Variants in OR5AN1 observed in about 807,000 individuals in gnomAD.
OR5AN1 encodes olfactory receptor 5AN1.
For missense variants in OR5AN1, 476 were observed against 368.9 expected (o/e 1.29, Z -2.38); for synonymous variants, 167 against 131.8 (o/e 1.27, Z -1.83).
intron 1 of OR5AN1, among the ~76,000 whole-genome samples, chr11:59,361,654 G>C (rs1227985329): frequency 1.3e-5 from 2 of 152,098 alleles, no homozygotes; most frequent in African/African-American, 4.8e-5. Context: ...ATGATTATCA[G>C]CTTCACATAT....
chr11:59,369,372 C>A lies in OR5AN1; in HGVS notation c.*3978C>A, dbSNP rs1373639949. 3 of 151,896 alleles carry A rather than the reference C, an allele frequency of 2.0e-5. No individual in the cohort carries two copies. The highest frequency in any genetic ancestry group is 7.3e-5 in the African/African-American group (3 of 41,370). 9.4% of individuals were successfully genotyped at this position (151,896 alleles called of 1,614,324 possible). A position where few individuals can be genotyped will look rare whatever the true frequency, so the allele number is the denominator to read the frequency against. On this transcript the variant is annotated 3_prime_UTR_variant, in exon 2 of 2. Transcript: ENST00000641998. ...AATCCAATCCAAGAAAAATAAGAAT[C>A]ACAATAAAGTGACACAGAAGCTGAA...
At position 59,364,539 on chromosome 11, in the gene OR5AN1, G is replaced by A; in HGVS notation, c.81G>A (p.Val27=). Residue 27 remains valine, a synonymous_variant, in exon 2 of 2, where the codon GTG becomes GTA. Coordinates refer to ENST00000641998, the MANE Select transcript of OR5AN1 (RefSeq NM_001004729.2). The part of the protein sequence containing the change: ...GFSDFPRIIK[V]LFTIFLVIYI... ...CAGATTTTCCCAGGATCATAAAAGT[G>A]CTCTTCACTATATTCCTGGTGATCT... The A allele has an allele frequency of 2.5e-6, 4 of 1,613,794 alleles. No individual in the cohort carries two copies. The highest frequency in any genetic ancestry group is 1.7e-4 in the Middle Eastern group (1 of 6,060).
rs1416309425 is a variant in OR5AN1 at position 59,368,683 on chromosome 11, G to A, written c.*3289G>A. The A allele has an allele frequency of 6.6e-6, 1 of 152,256 alleles. No individual in the cohort carries two copies. The highest frequency in any genetic ancestry group is 1.5e-5 in the Non-Finnish European group (1 of 68,108). 9.4% of individuals were successfully genotyped at this position (152,256 alleles called of 1,614,324 possible). On this transcript the variant is annotated 3_prime_UTR_variant, in exon 2 of 2. Transcript: ENST00000641998. Reference sequence around the variant, plus strand: ...TGCTGACCTGCATCTCTCTGGGGTGGAGCCCCCAGGAGTCAAACAAATGAC... The same window carrying A: ...TGCTGACCTGCATCTCTCTGGGGTGAAGCCCCCAGGAGTCAAACAAATGAC...
In OR5AN1 at chr11:59,369,660, G is replaced by T. The variant is rs1027756144; in HGVS notation, c.*4266G>T. 1 of 152,174 alleles carries T rather than the reference G, an allele frequency of 6.6e-6. No individual in the cohort carries two copies. Among genetic ancestry groups the T allele is most frequent in the Non-Finnish European group, 1.5e-5 (1 of 68,040 alleles). 9.4% of individuals were successfully genotyped at this position (152,174 alleles called of 1,614,324 possible). On this transcript the variant is annotated 3_prime_UTR_variant, in exon 2 of 2. Transcript: ENST00000641998. The stretch of plus-strand genomic sequence containing the variant: ...AGTAATTGACATCACTGAAAGGGAG[G>T]GGAAGGAAGAAAACAACTTGGAAAA...
At chr11:59,364,262 C>A in intron 1 of OR5AN1, 184 bp from the exon 2 acceptor site, 2 of 479,332 alleles carry the variant, frequency 4.2e-6, no homozygotes, top group African/African-American at 2.0e-5. Flanking sequence ...TAATCAAGAA[C>A]CTGAAGCATT....
intron 1 of OR5AN1, among the ~76,000 whole-genome samples, chr11:59,363,571 A>G: frequency 6.6e-6 from 1 of 152,196 alleles, no homozygotes; most frequent in East Asian, 1.9e-4. Flanking sequence ...TTATGATATT[A>G]TTGTTAAGGC....
rs1346568719 is a variant in OR5AN1 at position 59,369,723 on chromosome 11, C to T, written c.*4329C>T. ...TATTGTCCATGAAAATATCCCCAAC[C>T]TTGCTAGAGAGGACAACAGTCAAAT... On this transcript the variant is annotated 3_prime_UTR_variant, in exon 2 of 2. Coordinates refer to ENST00000641998, the MANE Select transcript of OR5AN1 (RefSeq NM_001004729.2). 6.6e-6 allele frequency: 1 copy of T among 152,164 alleles called. No individual in the cohort carries two copies. Among genetic ancestry groups the T allele is most frequent in the Non-Finnish European group, 1.5e-5 (1 of 68,036 alleles). The allele number at this position is 152,164 out of a possible 1,614,324, so 9.4% of individuals were successfully genotyped here. A position where few individuals can be genotyped will look rare whatever the true frequency, so the allele number is the denominator to read the frequency against.
Position 59,368,848 on chromosome 11 carries a change from G to A in OR5AN1, c.*3454G>A, listed in dbSNP as rs1045321453. 6.6e-6 allele frequency: 1 copy of A among 152,258 alleles called. No homozygotes were observed. Among genetic ancestry groups the A allele is most frequent in the Non-Finnish European group, 1.5e-5 (1 of 68,108 alleles). The allele number at this position is 152,258 out of a possible 1,614,324, so 9.4% of individuals were successfully genotyped here. On this transcript the variant is annotated 3_prime_UTR_variant, in exon 2 of 2. Transcript: ENST00000641998. The stretch of plus-strand genomic sequence containing the variant: ...AGGAACTACAGGCAGCACTCAGGGG[G>A]AGAGGAAACCACACGTTCTGAGCAC...
At chr11:59,359,464 A>T (rs1857440796) in intron 1 of OR5AN1, 192 bp downstream of exon 1, 1 of 152,326 alleles carries the variant, frequency 6.6e-6, no homozygotes, top group African/African-American at 2.4e-5. Context: ...TCCTCAGATC[A>T]AAACCTGCTT....
In OR5AN1 at chr11:59,366,978, C is replaced by T. The variant is rs185476184; in HGVS notation, c.*1584C>T. On this transcript the variant is annotated 3_prime_UTR_variant, in exon 2 of 2. Coordinates refer to ENST00000641998, the MANE Select transcript of OR5AN1 (RefSeq NM_001004729.2). ...TCAATACCCCTTAATGTATAAGGTGCCAAATTGCTTATTAATATACAAGGT... is the reference window on the plus strand; with the variant it reads ...TCAATACCCCTTAATGTATAAGGTGTCAAATTGCTTATTAATATACAAGGT... 1 of 152,104 alleles carries T rather than the reference C, an allele frequency of 6.6e-6. No individual in the cohort carries two copies. Among genetic ancestry groups the T allele is most frequent in the Admixed American group, 6.5e-5 (1 of 15,274 alleles). 9.4% of individuals were successfully genotyped at this position (152,104 alleles called of 1,614,324 possible).
In OR5AN1 at chr11:59,361,429, C is replaced by T. The variant is rs377134201; in HGVS notation, c.-14+2157C>T. On this transcript the variant is annotated intron_variant, in intron 1 of 1. Transcript: ENST00000641998. ...CCAAGTAGGTGGGACTACAGGCGTG[C>T]GCCACAAAGCCTGGCTAATTTTTGT... Among the ~76,000 whole-genome samples the T allele has an allele frequency of 5.3e-5, 8 of 152,164 alleles. No homozygotes were observed. The South Asian group carries it at 6.2e-4, about 12-fold the overall frequency.
Position 59,365,553 on chromosome 11 carries a change from C to A in OR5AN1, c.*159C>A, listed in dbSNP as rs956300346. The A allele has an allele frequency of 3.7e-5, 21 of 562,088 alleles. No individual in the cohort carries two copies. The highest frequency in any genetic ancestry group is 7.0e-4 in the Middle Eastern group (2 of 2,862). 34.8% of individuals were successfully genotyped at this position (562,088 alleles called of 1,614,324 possible). A position where few individuals can be genotyped will look rare whatever the true frequency, so the allele number is the denominator to read the frequency against. ...CACAAAATATGCCAATATGGACCAA[C>A]AGATGACTCAATGCCACAGACATCA... is the stretch of plus-strand genomic sequence containing the variant. On this transcript the variant is annotated 3_prime_UTR_variant, in exon 2 of 2. Coordinates refer to ENST00000641998, the MANE Select transcript of OR5AN1 (RefSeq NM_001004729.2).
Position 59,366,247 on chromosome 11 carries a change from C to CA in OR5AN1, c.*854dup, listed in dbSNP as rs1565053956. 2 of 152,132 alleles carry CA rather than the reference C, an allele frequency of 1.3e-5. No individual in the cohort carries two copies. Among genetic ancestry groups the CA allele is most frequent in the Admixed American group, 6.5e-5 (1 of 15,274 alleles). The allele number at this position is 152,132 out of a possible 1,614,324, so 9.4% of individuals were successfully genotyped here. A position where few individuals can be genotyped will look rare whatever the true frequency, so the allele number is the denominator to read the frequency against. On this transcript the variant is annotated 3_prime_UTR_variant, in exon 2 of 2. Coordinates refer to ENST00000641998, the MANE Select transcript of OR5AN1 (RefSeq NM_001004729.2). The stretch of plus-strand genomic sequence containing the variant: ...GGACTCAAACTTTCTTTTTCTCCCC[C>CA]ATTAAATTTAGAAAATTTACTCTTG...
intron 1 of OR5AN1, among the ~76,000 whole-genome samples, chr11:59,360,759 T>A (rs1409376258): frequency 6.6e-6 from 1 of 152,178 alleles, no homozygotes; most frequent in Non-Finnish European, 1.5e-5. Context: ...GGCTTCCAGC[T>A]CCATCCATGT....
intron 1 of OR5AN1, 144 bp from the exon 2 acceptor site, chr11:59,364,302 G>C (rs1565052946): frequency 1.7e-6 from 1 of 572,254 alleles, no homozygotes; most frequent in East Asian, 2.8e-5. Flanking sequence ...ATTCAAGAAA[G>C]GCTGGGGTCT....
Position 59,371,641 on chromosome 11 carries a change from G to A in OR5AN1, c.*6247G>A, listed in dbSNP as rs966546910. ...GCAAGGCCACATGTAGTCTAGCTAAGCCCATCTTGAGGGAAGGTCCAGGGA... is the reference window on the plus strand; with the variant it reads ...GCAAGGCCACATGTAGTCTAGCTAAACCCATCTTGAGGGAAGGTCCAGGGA... On this transcript the variant is annotated 3_prime_UTR_variant, in exon 2 of 2. Coordinates refer to ENST00000641998, the MANE Select transcript of OR5AN1 (RefSeq NM_001004729.2). 7.2e-5 allele frequency: 11 copies of A among 152,206 alleles called. No homozygotes were observed. In the East Asian group the frequency reaches 2.1e-3, roughly 29 times the overall value. 9.4% of individuals were successfully genotyped at this position (152,206 alleles called of 1,614,324 possible).
Position 59,370,889 on chromosome 11 carries a change from A to T in OR5AN1, c.*5495A>T, listed in dbSNP as rs557711205. ...TAAAATTGTTGGAAAAATATTCTGT[A>T]TATATACATCTTTTTTGATCAAAGC... is the stretch of plus-strand genomic sequence containing the variant. On this transcript the variant is annotated 3_prime_UTR_variant, in exon 2 of 2. Transcript: ENST00000641998. 7 of 152,324 alleles carry T rather than the reference A, an allele frequency of 4.6e-5. No homozygotes were observed. Among genetic ancestry groups the T allele is most frequent in the African/African-American group, 1.4e-4 (6 of 41,574 alleles). The allele number at this position is 152,324 out of a possible 1,614,324, so 9.4% of individuals were successfully genotyped here.
chr11:59,364,677 C>T lies in OR5AN1; in HGVS notation c.219C>T (p.Cys73=). 6.2e-7 allele frequency: 1 copy of T among 1,613,764 alleles called. No individual in the cohort carries two copies. Among genetic ancestry groups the T allele is most frequent in the Non-Finnish European group, 8.5e-7 (1 of 1,179,756 alleles). The stretch of plus-strand genomic sequence containing the variant: ...GTAACCTGTCCTTCATAGATGTCTG[C>T]TATATCAGCTCCACAGTCCCCAAGA... ...FLSNLSFIDV[C]YISSTVPKML... is the part of the protein sequence containing the mutation. Residue 73 remains cysteine, a synonymous_variant, in exon 2 of 2, where the codon TGC becomes TGT. Coordinates refer to ENST00000641998, the MANE Select transcript of OR5AN1 (RefSeq NM_001004729.2).
Position 59,364,587 on chromosome 11 carries a change from C to T in OR5AN1, c.129C>T (p.Asn43=). The change falls in exon 2 of 2, where the codon AAC becomes AAT. Residue 43 remains asparagine, a synonymous_variant. Coordinates refer to ENST00000641998, the MANE Select transcript of OR5AN1 (RefSeq NM_001004729.2). ...TCTACATTACATCTCTGGCCTGGAA[C>T]CTCTCCCTCATTGTTTTAATAAGGA... ...LVIYITSLAW[N]LSLIVLIRMD... is the part of the protein sequence containing the mutation. 1 of 1,612,948 alleles carries T rather than the reference C, an allele frequency of 6.2e-7. No homozygotes were observed. Among genetic ancestry groups the T allele is most frequent in the Non-Finnish European group, 8.5e-7 (1 of 1,179,026 alleles).
Sources: gnomAD v4.1 joint callset for allele counts (sites outside exome capture counted in the v4.1 genomes callset) on GRCh38, gnomAD v4.1.1 for gene constraint, MANE v1.5 for transcripts, NCBI Gene and HGNC (gene_info 2026-07-23, HGNC 2026-07-21) for gene names.